The following GABBR1 variants were observed in gnomAD, a reference collection of about 807,000 sequenced individuals.
GABBR1 encodes gamma-aminobutyric acid type B receptor subunit 1.
A neutral mutation model predicts 117.7 loss-of-function variants in GABBR1; 35 were observed. That is an observed-to-expected ratio of 0.30 (90% CI 0.23 to 0.39). GABBR1 has a LOEUF of 0.39. Ranked by LOEUF, GABBR1 falls within the 10% of genes least tolerant of loss-of-function variation. The pLI is 1.00. For missense variants in GABBR1, 709 were observed against 1,241.8 expected, an observed-to-expected ratio of 0.57 and a Z score of 6.45; for synonymous variants, 442 against 486.6, an observed-to-expected ratio of 0.91 and a Z score of 1.21.
At chr6:29,616,983 T>TAAAAA (rs28383952) in intron 11 of GABBR1, among the ~76,000 whole-genome samples, 7 of 71,642 alleles carry the variant, frequency 9.8e-5, no homozygotes, top group East Asian at 4.0e-4. Flanking sequence ...CCGTCTCTAC[T>TAAAAA]AAAAAAAAAA....
At position 29,602,968 on chromosome 6, in the gene GABBR1, T is replaced by A. The variant is rs747466510; in HGVS notation, c.*575A>T. On this transcript the variant is annotated 3_prime_UTR_variant, in exon 23 of 23. Transcript: ENST00000377034. ...AGGATGCATGTGTGCTGAGCGTGAGTGCACAGAGCAGAGGCAAGGAGCATG... is the reference window on the plus strand; with the variant it reads ...AGGATGCATGTGTGCTGAGCGTGAGAGCACAGAGCAGAGGCAAGGAGCATG... 2 of 456,200 alleles carry A rather than the reference T, an allele frequency of 4.4e-6. No homozygotes were observed. Among genetic ancestry groups the A allele is most frequent in the Non-Finnish European group, 8.8e-6 (2 of 226,772 alleles). The allele number at this position is 456,200 out of a possible 1,614,324, so 28.3% of individuals were successfully genotyped here.
chr6:29,630,475 G>T lies in GABBR1; in HGVS notation c.458C>A (p.Pro153His), dbSNP rs1764841537. 2 of 1,612,786 alleles carry T rather than the reference G, an allele frequency of 1.2e-6. No homozygotes were observed. The highest frequency in any genetic ancestry group is 1.7e-6 in the Non-Finnish European group (2 of 1,179,804). Residue 153 changes from proline to histidine, a missense_variant, in exon 4 of 23, where the codon CCC becomes CAC. Transcript: ENST00000377034. This position sits in a 1 kb window ranked among gnomAD's most constrained non-coding sequence, Gnocchi z 4.9. ...CCCCTCACCCTGGCAGTGGGGCTTG[G>T]GGGTGCTCCACTGGCCCTGACTACA... ...SICSQGQWST[P>H]KPHCQVNRTP...
At position 29,613,328 on chromosome 6, in the gene GABBR1, C is replaced by T. The variant is rs548511243; in HGVS notation, c.1481G>A (p.Arg494His). ...GTTGTTGTAGTTGAAGTCCTCCAGGCGCACACCAGAACGGCCGCCTCCTCC... is the reference window on the plus strand; with the variant it reads ...GTTGTTGTAGTTGAAGTCCTCCAGGTGCACACCAGAACGGCCGCCTCCTCC... The part of the protein sequence containing the change: ...TSGGGGRSGV[R>H]LEDFNYNNQT... Residue 494 changes from arginine to histidine, a missense_variant, in exon 12 of 23, where the codon CGC (arginine) becomes CAC (histidine). By Grantham distance (29) the Arg-to-His change is conservative. Coordinates refer to ENST00000377034, the MANE Select transcript of GABBR1 (RefSeq NM_001470.4). The surrounding 1 kb of genome is among the most constrained non-coding windows in gnomAD (Gnocchi z 4.1). 11 of 1,613,066 alleles carry T rather than the reference C, an allele frequency of 6.8e-6. No individual in the cohort carries two copies. The highest frequency in any genetic ancestry group is 3.3e-4 in the Middle Eastern group (2 of 6,062).
chr6:29,632,970 C>G lies in GABBR1; in HGVS notation c.-121G>C, dbSNP rs1583031823. 5.5e-6 allele frequency: 1 copy of G among 182,498 alleles called. No homozygotes were observed. Among genetic ancestry groups the G allele is most frequent in the African/African-American group, 2.4e-5 (1 of 41,612 alleles). 11.3% of individuals were successfully genotyped at this position (182,498 alleles called of 1,614,324 possible). A position where few individuals can be genotyped will look rare whatever the true frequency, so the allele number is the denominator to read the frequency against. On this transcript the variant is annotated 5_prime_UTR_variant, in exon 1 of 23. Transcript: ENST00000377034. The surrounding 1 kb of genome is among the most constrained non-coding windows in gnomAD (Gnocchi z 5.8). ...TTCTCCTCCTCCCGTCCCTCCTCCCCTCGAATCCAGGCTCCAGCCTGGCCA... is the reference window on the plus strand; with the variant it reads ...TTCTCCTCCTCCCGTCCCTCCTCCCGTCGAATCCAGGCTCCAGCCTGGCCA...
At chr6:29,612,009 CT>C (rs1001156432) in intron 13 of GABBR1, among the ~76,000 whole-genome samples, 6 of 151,882 alleles carry the variant, frequency 4.0e-5, no homozygotes, top group Non-Finnish European at 8.8e-5. Context: ...CTTTTCTTTT[CT>C]TTTTTCTTTG....
Position 29,606,555 on chromosome 6 carries a change from T to G in GABBR1, c.2218-71A>C. ...CTCCTCTCCTCAACGCTTCTCAGTC[T>G]CTGGCTTCCAACTGTTTTCCTATGA... On this transcript the variant is annotated intron_variant, in intron 18 of 22. Transcript: ENST00000377034. This position sits in a 1 kb window ranked among gnomAD's most constrained non-coding sequence, Gnocchi z 4.5. 3.8e-6 allele frequency: 4 copies of G among 1,051,044 alleles called. No individual in the cohort carries two copies. The Admixed American group carries it at 6.8e-5, about 18-fold the overall frequency. 65.1% of individuals were successfully genotyped at this position (1,051,044 alleles called of 1,614,324 possible). A position where few individuals can be genotyped will look rare whatever the true frequency, so the allele number is the denominator to read the frequency against.
Position 29,603,465 on chromosome 6 carries a change from C to A in GABBR1, c.*78G>T. ...TGTTCTTCCCAGCTGGGGATGGGGA[C>A]CCCCTGCTTCCTGAGTCCCCTGCCC... On this transcript the variant is annotated 3_prime_UTR_variant, in exon 23 of 23. Coordinates refer to ENST00000377034, the MANE Select transcript of GABBR1 (RefSeq NM_001470.4). 3 of 1,273,150 alleles carry A rather than the reference C, an allele frequency of 2.4e-6. No individual in the cohort carries two copies. The highest frequency in any genetic ancestry group is 2.5e-5 in the East Asian group (1 of 39,678). The allele number at this position is 1,273,150 out of a possible 1,614,324, so 78.9% of individuals were successfully genotyped here. A position where few individuals can be genotyped will look rare whatever the true frequency, so the allele number is the denominator to read the frequency against.
At chr6:29,608,292 C>A (rs1165461141) in intron 16 of GABBR1, among the ~76,000 whole-genome samples, 1 of 152,222 alleles carries the variant, frequency 6.6e-6, no homozygotes, top group African/African-American at 2.4e-5. Context: ...AGACAAGCCA[C>A]CATTGTTCAG....
chr6:29,632,596 C>G lies in GABBR1; in HGVS notation c.1-211G>C, dbSNP rs909776628. 1.7e-6 allele frequency: 2 copies of G among 1,150,114 alleles called. No homozygotes were observed. Among genetic ancestry groups the G allele is most frequent in the East Asian group, 3.1e-5 (1 of 31,840 alleles). 71.2% of individuals were successfully genotyped at this position (1,150,114 alleles called of 1,614,324 possible). A position where few individuals can be genotyped will look rare whatever the true frequency, so the allele number is the denominator to read the frequency against. On this transcript the variant is annotated intron_variant, in intron 1 of 22. Transcript: ENST00000377034. The surrounding 1 kb of genome is among the most constrained non-coding windows in gnomAD (Gnocchi z 5.8). ...AAGCCTGTCCCCACCCTCCTCCTGC[C>G]TCCCTCGGCCCCCAACCCTCCCGGG... is the stretch of plus-strand genomic sequence containing the variant.
At chr6:29,617,301 C>CTTTTTTTTTTTT (rs373993426) in intron 11 of GABBR1, among the ~76,000 whole-genome samples, 14 of 119,868 alleles carry the variant, frequency 1.2e-4, no homozygotes, top group African/African-American at 1.9e-4. Flanking sequence ...TTCTTTCTTT[C>CTTTTTTTTTTTT]TTTTTTTTTT....
At position 29,627,350 on chromosome 6, in the gene GABBR1, T is replaced by C; in HGVS notation, c.657+136A>G. 1 of 877,940 alleles carries C rather than the reference T, an allele frequency of 1.1e-6. No individual in the cohort carries two copies. Among genetic ancestry groups the C allele is most frequent in the African/African-American group, 1.7e-5 (1 of 58,680 alleles). The allele number at this position is 877,940 out of a possible 1,614,324, so 54.4% of individuals were successfully genotyped here. A position where few individuals can be genotyped will look rare whatever the true frequency, so the allele number is the denominator to read the frequency against. On this transcript the variant is annotated intron_variant, in intron 6 of 22. Coordinates refer to ENST00000377034, the MANE Select transcript of GABBR1 (RefSeq NM_001470.4). This position sits in a 1 kb window ranked among gnomAD's most constrained non-coding sequence, Gnocchi z 4.4. Reference sequence around the variant, plus strand: ...CCCAAGCTCCTGCACCCCCAGCCCATCTCCTGCCAGTCACACAAGGGAGGG... The same window carrying C: ...CCCAAGCTCCTGCACCCCCAGCCCACCTCCTGCCAGTCACACAAGGGAGGG...
Position 29,613,568 on chromosome 6 carries a change from ACTT to A in GABBR1, c.1324-86_1324-84del. 1 of 1,481,882 alleles carries A rather than the reference ACTT, an allele frequency of 6.7e-7. No homozygotes were observed. The highest frequency in any genetic ancestry group is 1.4e-5 in the African/African-American group (1 of 71,828). The allele number at this position is 1,481,882 out of a possible 1,614,324, so 91.8% of individuals were successfully genotyped here. A position where few individuals can be genotyped will look rare whatever the true frequency, so the allele number is the denominator to read the frequency against. The stretch of plus-strand genomic sequence containing the variant: ...GGTGCAATCCAATTCTGACTCAATC[ACTT>A]CTACTTGAATGGATGGTTTGTGTTA... On this transcript the variant is annotated intron_variant, in intron 11 of 22. Transcript: ENST00000377034. This position sits in a 1 kb window ranked among gnomAD's most constrained non-coding sequence, Gnocchi z 4.1.
At position 29,603,231 on chromosome 6, in the gene GABBR1, A is replaced by C. The variant is rs1761562255; in HGVS notation, c.*312T>G. ...AACTAGAAGAGGGTGTTGCATGGGA[A>C]GAGAAAGATGCAGTGAGGCTGCTGA... On this transcript the variant is annotated 3_prime_UTR_variant, in exon 23 of 23. Transcript: ENST00000377034. 7 of 557,972 alleles carry C rather than the reference A, an allele frequency of 1.3e-5. No homozygotes were observed. The highest frequency in any genetic ancestry group is 4.2e-5 in the East Asian group (1 of 23,858). 34.6% of individuals were successfully genotyped at this position (557,972 alleles called of 1,614,324 possible). A position where few individuals can be genotyped will look rare whatever the true frequency, so the allele number is the denominator to read the frequency against.
Position 29,630,709 on chromosome 6 carries a change from G to A in GABBR1, c.290-66C>T. On this transcript the variant is annotated intron_variant, in intron 3 of 22. Transcript: ENST00000377034. This position sits in a 1 kb window ranked among gnomAD's most constrained non-coding sequence, Gnocchi z 4.9. ...GAAGGCTCTTTCCCTTTAAAGAGCA[G>A]GGGACTCAGGTGCAGGTTTGGGTCC... The A allele has an allele frequency of 2.8e-6, 4 of 1,404,000 alleles. No homozygotes were observed. In the South Asian group the frequency reaches 5.0e-5, roughly 17 times the overall value. The allele number at this position is 1,404,000 out of a possible 1,614,324, so 87.0% of individuals were successfully genotyped here.
At position 29,611,007 on chromosome 6, in the gene GABBR1, C is replaced by A; in HGVS notation, c.1631-6G>T. 2 of 1,612,164 alleles carry A rather than the reference C, an allele frequency of 1.2e-6. No individual in the cohort carries two copies. The highest frequency in any genetic ancestry group is 1.7e-6 in the Non-Finnish European group (2 of 1,179,230). ...AATCTTCTTGTAGCTGCCACCTGGG[C>A]AGACGACAATAAAAGGAGTGACCAC... On this transcript the variant is annotated splice_polypyrimidine_tract_variant and splice_region_variant and intron_variant, in intron 13 of 22. Coordinates refer to ENST00000377034, the MANE Select transcript of GABBR1 (RefSeq NM_001470.4). This position sits in a 1 kb window ranked among gnomAD's most constrained non-coding sequence, Gnocchi z 4.6.
chr6:29,605,336 C>T lies in GABBR1; in HGVS notation c.2439+233G>A, dbSNP rs533756180. Reference sequence around the variant, plus strand: ...ACGTCTCTGTGTTTCTGTTTCCTCACCTATAAAGTGGGGATACTAATATCT... The same window carrying T: ...ACGTCTCTGTGTTTCTGTTTCCTCATCTATAAAGTGGGGATACTAATATCT... On this transcript the variant is annotated intron_variant, in intron 20 of 22. Transcript: ENST00000377034. This position sits in a 1 kb window ranked among gnomAD's most constrained non-coding sequence, Gnocchi z 4.2. 5 of 585,140 alleles carry T rather than the reference C, an allele frequency of 8.5e-6. No individual in the cohort carries two copies. The highest frequency in any genetic ancestry group is 1.2e-5 in the Non-Finnish European group (4 of 334,484). 36.2% of individuals were successfully genotyped at this position (585,140 alleles called of 1,614,324 possible).
At position 29,621,345 on chromosome 6, in the gene GABBR1, G is replaced by A. The variant is rs538192798; in HGVS notation, c.1132-53C>T. ...TTTGTTTGCTCATTTGTTTGTTTTTGTCTTATCTCACTTGATACTATTTAG... is the reference window on the plus strand; with the variant it reads ...TTTGTTTGCTCATTTGTTTGTTTTTATCTTATCTCACTTGATACTATTTAG... On this transcript the variant is annotated intron_variant, in intron 10 of 22. Transcript: ENST00000377034. The surrounding 1 kb of genome is among the most constrained non-coding windows in gnomAD (Gnocchi z 5.0). The A allele has an allele frequency of 5.2e-5, 76 of 1,471,722 alleles. No individual in the cohort carries two copies. The highest frequency in any genetic ancestry group is 8.5e-6 in the Non-Finnish European group (9 of 1,064,562). 91.2% of individuals were successfully genotyped at this position (1,471,722 alleles called of 1,614,324 possible).
At chr6:29,619,826 G>A (rs1763570353) in intron 11 of GABBR1, among the ~76,000 whole-genome samples, 1 of 152,198 alleles carries the variant, frequency 6.6e-6, no homozygotes, top group Non-Finnish European at 1.5e-5. Context: ...ACAGGAAAGT[G>A]ATCTTCCAAA....
chr6:29,628,878 G>A (rs1344897700), intron 5 of GABBR1, among the ~76,000 whole-genome samples: 3 of 151,598 alleles, frequency 2.0e-5, no homozygotes, highest in Non-Finnish European at 2.9e-5. Flanking sequence ...GCCAAGCAGG[G>A]ACAAGGAGAG....
Sources: gnomAD v4.1 joint callset for allele counts (sites outside exome capture counted in the v4.1 genomes callset) on GRCh38, gnomAD v4.1.1 for gene constraint, Gnocchi (gnomAD v3.1) non-coding constraint, MANE v1.5 for transcripts, NCBI Gene and HGNC (gene_info 2026-07-23, HGNC 2026-07-21) for gene names.